Variants in RABEP1 observed in about 807,000 individuals in gnomAD.
RABEP1 encodes the protein rabaptin, RAB GTPase binding effector protein 1.
Under a neutral mutation model 123.4 loss-of-function variants are expected in RABEP1, and 51 were observed. The observed-to-expected ratio is 0.41, with a 90% CI of 0.33 to 0.52. RABEP1 has a LOEUF of 0.52. Among genes scored for constraint, RABEP1 ranks in the 20% least tolerant of loss-of-function variants. The pLI is 0.16. For synonymous variants in RABEP1, 347 were observed against 355.2 expected, an observed-to-expected ratio of 0.98 and a Z score of 0.26; for missense variants, 888 against 996.3, an observed-to-expected ratio of 0.89 and a Z score of 1.46.
Position 5,338,000 on chromosome 17 carries a change from T to C in RABEP1, c.529-19T>C. The C allele has an allele frequency of 1.3e-6, 2 of 1,594,310 alleles. No homozygotes were observed. Among genetic ancestry groups the C allele is most frequent in the Non-Finnish European group, 1.7e-6 (2 of 1,173,786 alleles). ...CAGTAAATGAATAAGTCGTAGCATTTAATTCTTTTTAACCATAGGCCCAAG... is the reference window on the plus strand; with the variant it reads ...CAGTAAATGAATAAGTCGTAGCATTCAATTCTTTTTAACCATAGGCCCAAG... On this transcript the variant is annotated intron_variant, in intron 4 of 17. Coordinates refer to ENST00000537505, the MANE Select transcript of RABEP1 (RefSeq NM_004703.6).
intron 17 of RABEP1, chr17:5,381,733 G>A (rs1473091122): frequency 9.6e-6 from 5 of 520,276 alleles, no homozygotes; most frequent in Admixed American, 3.6e-5. Flanking sequence ...CTCCTTATGA[G>A]TAAAGTACTG....
intron 2 of RABEP1, among the ~76,000 whole-genome samples, chr17:5,316,832 C>CAAAAAAAAAAAAAA (rs55890740): frequency 3.0e-5 from 2 of 67,176 alleles, no homozygotes; most frequent in African/African-American, 5.9e-5. Flanking sequence ...GACTCTGTCT[C>CAAAAAAAAAAAAAA]AAAAAAAAAA....
rs117541846 is a variant in RABEP1, at chr17:5,352,835, A to G, written c.964-1524A>G. On this transcript the variant is annotated intron_variant, in intron 7 of 17. Transcript: ENST00000537505. Reference sequence around the variant, plus strand: ...GACAAAGTGAGACTCCCTCTCAAAAAACAAAAACAAAAACAAAGAGTCTAA... The same window carrying G: ...GACAAAGTGAGACTCCCTCTCAAAAGACAAAAACAAAAACAAAGAGTCTAA... Among the ~76,000 whole-genome samples the G allele has an allele frequency of 2.0e-4, 31 of 152,112 alleles. No individual in the cohort carries two copies. The East Asian group carries it at 5.9e-3, about 29-fold the overall frequency.
intron 13 of RABEP1, among the ~76,000 whole-genome samples, chr17:5,376,297 C>CGT (rs1303386627): frequency 6.6e-6 from 1 of 151,990 alleles, no homozygotes; most frequent in African/African-American, 2.4e-5. Flanking sequence ...CTCCATACTC[C>CGT]AGTCTGGGTG....
chr17:5,355,142 C>A (rs1009712533), intron 8 of RABEP1, among the ~76,000 whole-genome samples: 14 of 152,164 alleles, frequency 9.2e-5, no homozygotes, highest in African/African-American at 3.4e-4. Flanking sequence ...GCAGTCAGGC[C>A]ACTCCCCTAC....
Position 5,364,116 on chromosome 17 carries a change from G to T in RABEP1, c.1669-1006G>T, listed in dbSNP as rs115152156. Among the ~76,000 whole-genome samples, 956 of 152,276 alleles carry T rather than the reference G, an allele frequency of 6.3e-3. 9 individuals are homozygous for T. Among genetic ancestry groups the T allele is most frequent in the African/African-American group, 0.022 (903 of 41,556 alleles). ...TGCTTTACGCATAGATGTTTCAAAGGTAAATTTCTAAATGTATTTGCAAAA... is the reference window on the plus strand; with the variant it reads ...TGCTTTACGCATAGATGTTTCAAAGTTAAATTTCTAAATGTATTTGCAAAA... On this transcript the variant is annotated intron_variant, in intron 10 of 17. Transcript: ENST00000537505.
chr17:5,365,613 C>T (rs935795207), intron 11 of RABEP1, among the ~76,000 whole-genome samples: 6 of 152,032 alleles, frequency 3.9e-5, no homozygotes, highest in African/African-American at 1.4e-4. Flanking sequence ...ATACCAGAAC[C>T]AACATCTGTG....
Position 5,326,319 on chromosome 17 carries a change from T to G in RABEP1, c.164-5630T>G, listed in dbSNP as rs1410009666. Reference sequence around the variant, plus strand: ...AATATTATTCCATGCTAAAAAGGAATGAGCTATTAAGTCATGAACAGACAT... The same window carrying G: ...AATATTATTCCATGCTAAAAAGGAAGGAGCTATTAAGTCATGAACAGACAT... On this transcript the variant is annotated intron_variant, in intron 2 of 17. Transcript: ENST00000537505. Among the ~76,000 whole-genome samples the G allele has an allele frequency of 2.0e-5, 3 of 152,188 alleles. No homozygotes were observed. The East Asian group carries it at 5.8e-4, about 29-fold the overall frequency.
At chr17:5,331,822 C>T (rs1313218663) in intron 2 of RABEP1, 127 bp from the exon 3 acceptor site, 57 of 775,348 alleles carry the variant, frequency 7.4e-5, no homozygotes, top group Non-Finnish European at 1.1e-4. Flanking sequence ...TACCTTAAAT[C>T]TCACCTCTAT....
intron 15 of RABEP1, 35 bp downstream of exon 15, chr17:5,378,267 AC>A: frequency 2.0e-6 from 3 of 1,514,602 alleles, no homozygotes; most frequent in Non-Finnish European, 2.8e-6. Flanking sequence ...TCTATCAGCA[AC>A]CAGTGGTTAT....
At chr17:5,330,750 C>T (rs190236541) in intron 2 of RABEP1, among the ~76,000 whole-genome samples, 58 of 152,020 alleles carry the variant, frequency 3.8e-4, no homozygotes, top group Middle Eastern at 3.4e-3. Context: ...AGGCCGGGCG[C>T]GGTGGCTCAC....
chr17:5,283,389 G>C (rs2074947726), intron 1 of RABEP1, among the ~76,000 whole-genome samples: 2 of 152,038 alleles, frequency 1.3e-5, no homozygotes. Context: ...AATCAAAGTT[G>C]GTTGTCAGAG....
At chr17:5,337,935 A>C in intron 4 of RABEP1, 84 bp from the exon 5 acceptor site, 1 of 1,420,816 alleles carries the variant, frequency 7.0e-7, no homozygotes, top group Non-Finnish European at 9.4e-7. Flanking sequence ...TTGTTATAAT[A>C]ATTTTTAGCA....
Position 5,335,359 on chromosome 17 carries a change from G to A in RABEP1, c.528+15G>A. 1 of 1,590,796 alleles carries A rather than the reference G, an allele frequency of 6.3e-7. No homozygotes were observed. The highest frequency in any genetic ancestry group is 8.6e-7 in the Non-Finnish European group (1 of 1,163,744). ...AAATGAAAAAGGTATGAAGGAATGT[G>A]TTCATTTGTAGAAATATTTGAATTC... On this transcript the variant is annotated intron_variant, in intron 4 of 17. Transcript: ENST00000537505.
intron 4 of RABEP1, 37 bp downstream of exon 4, chr17:5,335,381 A>C: frequency 6.5e-7 from 1 of 1,531,442 alleles, no homozygotes; most frequent in Non-Finnish European, 9.0e-7. Context: ...AAATATTTGA[A>C]TTCAAATGCA....
intron 1 of RABEP1, among the ~76,000 whole-genome samples, chr17:5,294,097 G>A (rs1185018026): frequency 1.3e-5 from 2 of 152,196 alleles, no homozygotes; most frequent in African/African-American, 4.8e-5. Context: ...TTAGCCCTCT[G>A]TATCTGCGGG....
chr17:5,326,314 A>C (rs1187519374), intron 2 of RABEP1, among the ~76,000 whole-genome samples: 1 of 152,236 alleles, frequency 6.6e-6, no homozygotes, highest in African/African-American at 2.4e-5. Flanking sequence ...CATGCTAAAA[A>C]GGAATGAGCT....
intron 2 of RABEP1, among the ~76,000 whole-genome samples, chr17:5,320,581 A>G (rs988106044): frequency 1.3e-5 from 2 of 152,212 alleles, no homozygotes; most frequent in African/African-American, 2.4e-5. Context: ...ATTCAGAGAT[A>G]GGTAATGTAG....
At chr17:5,376,288 T>C (rs1910986468) in intron 13 of RABEP1, among the ~76,000 whole-genome samples, 1 of 152,000 alleles carries the variant, frequency 6.6e-6, no homozygotes, top group South Asian at 2.1e-4. Context: ...GCCATTGCAC[T>C]CCATACTCCA....
Sources: gnomAD v4.1 joint callset for allele counts (sites outside exome capture counted in the v4.1 genomes callset) on GRCh38, gnomAD v4.1.1 for gene constraint, MANE v1.5 for transcripts, NCBI Gene and HGNC (gene_info 2026-07-23, HGNC 2026-07-21) for gene names.